The following HIRA variants were observed in gnomAD, a reference collection of about 807,000 sequenced individuals.
HIRA encodes histone cell cycle regulator, also known as protein HIRA.
In HIRA, 13 loss-of-function variants were observed where a neutral mutation model predicts 126.6. The ratio of observed to expected loss-of-function variants is 0.10; its 90% CI spans 0.07 to 0.16. The LOEUF is 0.16. HIRA is among the 10% of genes least tolerant of loss of function. The pLI is 1.00. For missense variants in HIRA, 834 were observed against 1,314.4 expected (o/e 0.63, Z 5.65); for synonymous variants, 511 against 520.0 (o/e 0.98, Z 0.24).
intron 13 of HIRA, among the ~76,000 whole-genome samples, chr22:19,382,211 G>C (rs1221470143): frequency 6.6e-6 from 1 of 152,198 alleles, no homozygotes; most frequent in Non-Finnish European, 1.5e-5. Context: ...CCTGATGCTA[G>C]AAATATGCAT....
At chr22:19,396,065 T>C (rs1457721920) in intron 7 of HIRA, among the ~76,000 whole-genome samples, 2 of 148,478 alleles carry the variant, frequency 1.3e-5, no homozygotes, top group Non-Finnish European at 2.9e-5. Context: ...CAGTCGAGGA[T>C]GGCACAAGAG....
At chr22:19,341,828 G>T (rs5746723) in intron 24 of HIRA, among the ~76,000 whole-genome samples, 1 of 152,008 alleles carries the variant, frequency 6.6e-6, no homozygotes, top group South Asian at 2.1e-4. Flanking sequence ...TTAAATCTAC[G>T]ATCTGAAACC....
intron 5 of HIRA, 182 bp downstream of exon 5, chr22:19,405,604 G>T: frequency 1.4e-6 from 1 of 713,494 alleles, no homozygotes; most frequent in Non-Finnish European, 1.7e-6. Flanking sequence ...GAGACAGGTA[G>T]TGGACCCGGT....
chr22:19,345,737 C>T (rs567598156), intron 24 of HIRA, among the ~76,000 whole-genome samples: 15 of 152,308 alleles, frequency 9.8e-5, no homozygotes, highest in Non-Finnish European at 1.3e-4. Flanking sequence ...CCCTGTCTTA[C>T]ACTGAAGACC....
chr22:19,423,148 C>A (rs2089461348), intron 1 of HIRA, among the ~76,000 whole-genome samples: 1 of 152,158 alleles, frequency 6.6e-6, no homozygotes, highest in Non-Finnish European at 1.5e-5. Context: ...TGCAACAAGG[C>A]CTTTGCTCAA....
chr22:19,389,605 T>C (rs2089159257), intron 9 of HIRA, among the ~76,000 whole-genome samples: 1 of 152,108 alleles, frequency 6.6e-6, no homozygotes, highest in Admixed American at 6.5e-5. Flanking sequence ...GCCTCCACCT[T>C]AATTCCACTT....
chr22:19,341,606 C>T (rs1460136647), intron 24 of HIRA, among the ~76,000 whole-genome samples: 2 of 152,000 alleles, frequency 1.3e-5, no homozygotes, highest in African/African-American at 4.8e-5. Flanking sequence ...AATAGGCAAA[C>T]AGACCAATGG....
At chr22:19,359,847 G>T (rs923512353) in intron 17 of HIRA, among the ~76,000 whole-genome samples, 2 of 152,240 alleles carry the variant, frequency 1.3e-5, no homozygotes, top group Non-Finnish European at 2.9e-5. Flanking sequence ...GACCGAGCTG[G>T]GAGTGAGACT....
chr22:19,396,122 A>G (rs2089221612), intron 7 of HIRA, among the ~76,000 whole-genome samples: 1 of 152,172 alleles, frequency 6.6e-6, no homozygotes, highest in African/African-American at 2.4e-5. Context: ...GGCTCAGAGT[A>G]AACTCCGCAC....
At chr22:19,411,140 C>G (rs2089348949) in intron 1 of HIRA, among the ~76,000 whole-genome samples, 1 of 152,244 alleles carries the variant, frequency 6.6e-6, no homozygotes, top group Non-Finnish European at 1.5e-5. Flanking sequence ...TGCTATTTGT[C>G]TTTTCTGGCT....
intron 22 of HIRA, among the ~76,000 whole-genome samples, chr22:19,353,781 T>C (rs1228173637): frequency 6.6e-6 from 1 of 152,194 alleles, no homozygotes; most frequent in Non-Finnish European, 1.5e-5. Context: ...GGGCCAGTGA[T>C]TGCTGCCCCC....
At chr22:19,394,203 G>A (rs1040347859) in intron 8 of HIRA, 139 bp downstream of exon 8, 212 of 1,012,374 alleles carry the variant, frequency 2.1e-4, no homozygotes, top group Non-Finnish European at 2.8e-4. Flanking sequence ...TGTAAAGTTT[G>A]CCAATAAATC....
At chr22:19,354,200 AAG>A (rs1289100097) in intron 21 of HIRA, 82 bp from the exon 22 acceptor site, 2 of 1,427,302 alleles carry the variant, frequency 1.4e-6, no homozygotes, top group Non-Finnish European at 1.9e-6. Flanking sequence ...AAGGCTGGCA[AAG>A]AGGCCACAGA....
intron 13 of HIRA, 67 bp from the exon 14 acceptor site, chr22:19,378,133 C>A: frequency 8.1e-7 from 1 of 1,242,094 alleles, no homozygotes; most frequent in Non-Finnish European, 1.1e-6. Flanking sequence ...TTTATACATT[C>A]AAATAACTTT....
At chr22:19,370,888 C>T (rs913538381) in intron 15 of HIRA, among the ~76,000 whole-genome samples, 1 of 152,166 alleles carries the variant, frequency 6.6e-6, no homozygotes, top group African/African-American at 2.4e-5. Context: ...TATGGCTGGA[C>T]GGTCTTGTGA....
At chr22:19,364,319 TCA>T in intron 15 of HIRA, among the ~76,000 whole-genome samples, 1 of 152,290 alleles carries the variant, frequency 6.6e-6, no homozygotes, top group Non-Finnish European at 1.5e-5. Context: ...AGTCAATTCT[TCA>T]AGAAGACAGA....
At chr22:19,384,748 G>T (rs949859314) in intron 12 of HIRA, among the ~76,000 whole-genome samples, 2 of 151,604 alleles carry the variant, frequency 1.3e-5, no homozygotes, top group East Asian at 3.9e-4. Context: ...TCTGCTTCCC[G>T]GGTTTAAGCA....
intron 15 of HIRA, among the ~76,000 whole-genome samples, chr22:19,373,869 C>T (rs2088990700): frequency 1.6e-5 from 2 of 121,248 alleles, no homozygotes; most frequent in Admixed American, 1.8e-4. Context: ...CATTAAAACT[C>T]AAGGTCCTCA....
At chr22:19,375,911 A>C in intron 14 of HIRA, 119 bp from the exon 15 acceptor site, 1 of 1,046,190 alleles carries the variant, frequency 9.6e-7, no homozygotes, top group African/African-American at 1.6e-5. Flanking sequence ...CCATAAACAC[A>C]AAAAATGTCA....
Sources: allele counts gnomAD v4.1 joint callset (sites outside exome capture counted in the v4.1 genomes callset), GRCh38; gene constraint gnomAD v4.1.1; transcripts MANE v1.5; gene names NCBI Gene and HGNC (gene_info 2026-07-23, HGNC 2026-07-21).